Variants in NOC3L observed in about 807,000 individuals in gnomAD.
The protein encoded by NOC3L is nucleolar complex protein 3 homolog.
Under a neutral mutation model 102.5 loss-of-function variants are expected in NOC3L, and 85 were observed. That is an observed-to-expected ratio of 0.83 (90% CI 0.70 to 0.99). The LOEUF is 0.99. NOC3L is among the 50% of genes least tolerant of loss of function. The pLI, the probability that NOC3L is intolerant of heterozygous loss-of-function variation, is 0.00. For missense variants in NOC3L, 878 were observed against 914.9 expected (o/e 0.96, Z 0.52); for synonymous variants, 303 against 309.4 (o/e 0.98, Z 0.22).
chr10:94,341,583 G>C (rs763528970), intron 14 of NOC3L, 90 bp downstream of exon 14: 42 of 585,238 alleles, frequency 7.2e-5, no homozygotes, highest in Non-Finnish European at 9.0e-5. Context: ...GGGTTTTACT[G>C]TATACAAAAT....
rs151274299 is a variant in NOC3L at position 94,361,361 on chromosome 10, C to T, written c.217+304G>A. 417 of 328,092 alleles carry T rather than the reference C, an allele frequency of 1.3e-3. 3 individuals carry two copies. Among genetic ancestry groups the T allele is most frequent in the African/African-American group, 8.2e-3 (387 of 47,064 alleles). 20.3% of individuals were successfully genotyped at this position (328,092 alleles called of 1,614,324 possible). A position where few individuals can be genotyped will look rare whatever the true frequency, so the allele number is the denominator to read the frequency against. ...GAATGGCAAAGTGGCAGCACTGGCA[C>T]ACTGCCCAATATTTATGTAACGGAG... is the stretch of plus-strand genomic sequence containing the variant. On this transcript the variant is annotated intron_variant, in intron 2 of 20. Coordinates refer to ENST00000371361, the MANE Select transcript of NOC3L (RefSeq NM_022451.11).
the NOC3L span, among the ~76,000 whole-genome samples, chr10:94,320,899 G>A: frequency 9.2e-5 from 14 of 152,296 alleles, no homozygotes; most frequent in East Asian, 2.5e-3. Flanking sequence ...ATTATCCAAT[G>A]ACAGTGGGGT....
the NOC3L span, among the ~76,000 whole-genome samples, chr10:94,323,927 A>G: frequency 1.3e-5 from 2 of 152,230 alleles, no homozygotes; most frequent in African/African-American, 4.8e-5. Context: ...AGACTCTGTG[A>G]TAGAGATAGC....
chr10:94,318,800 C>A, the NOC3L span, among the ~76,000 whole-genome samples: 280 of 152,334 alleles, frequency 1.8e-3, no homozygotes, highest in Non-Finnish European at 3.3e-3. Flanking sequence ...GTGGCTCACA[C>A]CTGTAATCCC....
rs1483206346 is a variant in NOC3L, at chr10:94,348,199, C to T, written c.1257+1051G>A. On this transcript the variant is annotated intron_variant, in intron 10 of 20. Transcript: ENST00000371361. ...CATATATTAAACACAGATATTAAAT[C>T]TGTACTCATACCACACATACAAAGA... 2.0e-5 allele frequency among the ~76,000 whole-genome samples: 3 copies of T among 150,184 alleles called. No individual in the cohort carries two copies. In the East Asian group the frequency reaches 5.8e-4, roughly 29 times the overall value.
At position 94,333,415 on chromosome 10, in the gene NOC3L, C is replaced by T. The variant is rs1361531210; in HGVS notation, c.*762G>A. The T allele has an allele frequency of 6.6e-6, 1 of 152,092 alleles. No individual in the cohort carries two copies. The highest frequency in any genetic ancestry group is 2.4e-5 in the African/African-American group (1 of 41,436). The allele number at this position is 152,092 out of a possible 1,614,324, so 9.4% of individuals were successfully genotyped here. ...CTGTTCCAAGAGGGGAAAAAAGCTCCTCATTGAGTATCCTTTGTCTCTAGA... is the reference window on the plus strand; with the variant it reads ...CTGTTCCAAGAGGGGAAAAAAGCTCTTCATTGAGTATCCTTTGTCTCTAGA... On this transcript the variant is annotated 3_prime_UTR_variant, in exon 21 of 21. Coordinates refer to ENST00000371361, the MANE Select transcript of NOC3L (RefSeq NM_022451.11).
chr10:94,332,264 G>C (rs1055886376), downstream of NOC3L: 1 of 152,124 alleles, frequency 6.6e-6, no homozygotes, highest in Non-Finnish European at 1.5e-5. Flanking sequence ...AGATGACATA[G>C]GTCTCTAAAC....
Position 94,361,681 on chromosome 10 carries a change from T to C in NOC3L, c.201A>G (p.Pro67=). 6.2e-7 allele frequency: 1 copy of C among 1,613,960 alleles called. No individual in the cohort carries two copies. Among genetic ancestry groups the C allele is most frequent in the Non-Finnish European group, 8.5e-7 (1 of 1,179,966 alleles). The change falls in exon 2 of 21, where the codon CCA becomes CCG. Residue 67 remains proline, a synonymous_variant. Transcript: ENST00000371361. ...CACAATTACCTGGTCGCTTTTCCTT[T>C]GGGTTCTCCAATGGAATGGGTTTCT... is the stretch of plus-strand genomic sequence containing the variant. ...VSKKPIPLEN[P]KEKRPGKRIE...
At chr10:94,317,550 C>A in the NOC3L span, among the ~76,000 whole-genome samples, 1 of 152,114 alleles carries the variant, frequency 6.6e-6, no homozygotes, top group African/African-American at 2.4e-5. Context: ...AATAATATTT[C>A]TTTGAAAATA....
chr10:94,321,780 G>A, the NOC3L span: 5 of 705,658 alleles, frequency 7.1e-6, no homozygotes, highest in South Asian at 3.3e-5. Context: ...CATAGTATAT[G>A]AGATATTAAG....
chr10:94,345,012 C>A, intron 11 of NOC3L, 79 bp from the exon 12 acceptor site: 2 of 874,526 alleles, frequency 2.3e-6, no homozygotes, highest in Non-Finnish European at 3.6e-6. Context: ...ACGTAAATGT[C>A]ATAAAACACA....
chr10:94,362,748 T>TGCCTAAAA, intron 1 of NOC3L, 82 bp downstream of exon 1: 1 of 1,507,220 alleles, frequency 6.6e-7, no homozygotes, highest in Admixed American at 1.7e-5. Context: ...GGTGAAAACC[T>TGCCTAAAA]GCCTAAAAGC....
At chr10:94,322,045 G>A in the NOC3L span, 1 of 1,614,106 alleles carries the variant, frequency 6.2e-7, no homozygotes, top group Non-Finnish European at 8.5e-7. Flanking sequence ...CACTGCACAG[G>A]ATGTCATTCA....
chr10:94,339,673 T>C (rs2054259249), intron 17 of NOC3L, 66 bp downstream of exon 17: 4 of 1,269,530 alleles, frequency 3.2e-6, no homozygotes, highest in African/African-American at 3.0e-5. Flanking sequence ...GGAAAAGACA[T>C]GCCTCAAACA....
chr10:94,346,409 G>A lies in NOC3L; in HGVS notation c.1389+16C>T, dbSNP rs764889470. The A allele has an allele frequency of 6.9e-7, 1 of 1,452,706 alleles. No individual in the cohort carries two copies. The highest frequency in any genetic ancestry group is 1.4e-5 in the South Asian group (1 of 71,546). The allele number at this position is 1,452,706 out of a possible 1,614,324, so 90.0% of individuals were successfully genotyped here. A position where few individuals can be genotyped will look rare whatever the true frequency, so the allele number is the denominator to read the frequency against. On this transcript the variant is annotated intron_variant, in intron 11 of 20. Coordinates refer to ENST00000371361, the MANE Select transcript of NOC3L (RefSeq NM_022451.11). ...ACAGAAAATTTAAATGAAACAAAAGGGGAAATAAGTCAAACCTTTCTCTGC... is the reference window on the plus strand; with the variant it reads ...ACAGAAAATTTAAATGAAACAAAAGAGGAAATAAGTCAAACCTTTCTCTGC...
the NOC3L span, chr10:94,325,057 G>A: frequency 6.2e-7 from 1 of 1,614,142 alleles, no homozygotes; most frequent in Middle Eastern, 1.6e-4. Flanking sequence ...GTCCTCCAGT[G>A]ACACAATGGA....
In NOC3L at chr10:94,357,294, T is replaced by C. The variant is rs1187168939; in HGVS notation, c.388A>G (p.Ile130Val). 1.2e-5 allele frequency: 19 copies of C among 1,603,688 alleles called. No homozygotes were observed. The highest frequency in any genetic ancestry group is 1.6e-5 in the Non-Finnish European group (19 of 1,175,084). ...GGTATTTTTTCATATTTATCTATAATGCGTTCATGCTTCCGTTTCTTCGCA... is the reference window on the plus strand; with the variant it reads ...GGTATTTTTTCATATTTATCTATAACGCGTTCATGCTTCCGTTTCTTCGCA... ...VHAKKRKHERIIDKYEKIPRT... is the reference protein window; with the variant it reads ...VHAKKRKHERVIDKYEKIPRT... Residue 130 changes from isoleucine to valine, a missense_variant, in exon 4 of 21, where the codon ATT (isoleucine) becomes GTT (valine). Ile to Val is a conservative substitution (Grantham distance 29). Transcript: ENST00000371361.
chr10:94,336,882 A>G (rs1418652542), intron 19 of NOC3L, among the ~76,000 whole-genome samples: 1 of 151,620 alleles, frequency 6.6e-6, no homozygotes, highest in Non-Finnish European at 1.5e-5. Context: ...CAGCCTGGCC[A>G]GCATGGTGAA....
At chr10:94,331,765 T>C (rs2054158272), downstream of NOC3L, 2 of 152,134 alleles carry the variant, frequency 1.3e-5, no homozygotes, top group Admixed American at 1.3e-4. Flanking sequence ...TGTAGCAGCT[T>C]CCTAAAAGCA....
Sources: gnomAD v4.1 joint callset for allele counts (sites outside exome capture counted in the v4.1 genomes callset) on GRCh38, gnomAD v4.1.1 for gene constraint, MANE v1.5 for transcripts, NCBI Gene and HGNC (gene_info 2026-07-23, HGNC 2026-07-21) for gene names.